GFI1: variants seen among roughly 807,000 people sequenced by gnomAD.
GFI1 encodes zinc finger protein Gfi-1.
Under a neutral mutation model 39.2 loss-of-function variants are expected in GFI1, and 15 were observed. The observed-to-expected ratio is 0.38, with a 90% confidence interval of 0.26 to 0.59. The LOEUF (loss-of-function observed/expected upper bound fraction) is 0.59. Ranked by LOEUF, GFI1 falls within the 20% of genes least tolerant of loss-of-function variation. GFI1 has a pLI of 0.62. For missense variants in GFI1, 475 were observed against 574.0 expected (o/e 0.83, Z 1.76); for synonymous variants, 239 against 254.3 (o/e 0.94, Z 0.57).
chr1:92,479,599 C>A (rs953543490), intron 5 of GFI1, among the ~76,000 whole-genome samples: 2 of 152,194 alleles, frequency 1.3e-5, no homozygotes, highest in Non-Finnish European at 2.9e-5. Context: ...CGCCTGTAAT[C>A]CCAGCACTTT....
rs559393794 is a variant in GFI1, at chr1:92,483,231, C to A, written c.115+142G>T. ...GGCCATGGCACCTAGGAGACAAACCCGGAGGAACCAGGACAGTAGGAAACA... is the reference window on the plus strand; with the variant it reads ...GGCCATGGCACCTAGGAGACAAACCAGGAGGAACCAGGACAGTAGGAAACA... On this transcript the variant is annotated intron_variant, in intron 2 of 6. Transcript: ENST00000294702. The A allele has an allele frequency of 5.7e-4, 418 of 728,300 alleles. 1 individual carries two copies. The African/African-American group carries it at 6.3e-3, about 11-fold the overall frequency. The allele number at this position is 728,300 out of a possible 1,614,324, so 45.1% of individuals were successfully genotyped here.
chr1:92,477,868 C>T (rs1658040067), intron 6 of GFI1, among the ~76,000 whole-genome samples: 1 of 152,202 alleles, frequency 6.6e-6, no homozygotes, highest in Non-Finnish European at 1.5e-5. Context: ...TGTCTACCAA[C>T]CTCATGACTC....
chr1:92,483,458 C>T lies in GFI1; in HGVS notation c.30G>A (p.Lys10=). 6.2e-7 allele frequency: 1 copy of T among 1,612,686 alleles called. No individual in the cohort carries two copies. The highest frequency in any genetic ancestry group is 8.5e-7 in the Non-Finnish European group (1 of 1,178,830). The change falls in exon 2 of 7, where the codon AAG becomes AAA. Residue 10 remains lysine (K), a synonymous_variant. Transcript: ENST00000294702. ...GCGGCTGGTGGTAGCTGTGAGCCTT[C>T]TTGCTTTTGACGAGAAATGAGCGCG... is the stretch of plus-strand genomic sequence containing the variant. MPRSFLVKS[K]KAHSYHQPRS...
At position 92,480,635 on chromosome 1, in the gene GFI1, C is replaced by T. The variant is rs1482315103; in HGVS notation, c.752G>A (p.Gly251Asp). The T allele has an allele frequency of 1.3e-6, 2 of 1,585,050 alleles. No homozygotes were observed. The highest frequency in any genetic ancestry group is 2.3e-5 in the South Asian group (2 of 87,798). ...SELLCTRLLL[G>D]GGSYKCIKCS... ...CTTGATGCACTTGTAGGAGCCGCCG[C>T]CCAGCAGCAGGCGGGTGCACAGCAG... The change falls in exon 4 of 7, where the codon GGC becomes GAC. Residue 251 changes from glycine (G) to aspartate (D), a missense_variant. By Grantham distance (94) the Gly-to-Asp change is moderately conservative. Transcript: ENST00000294702. This position sits in a 1 kb window ranked among gnomAD's most constrained non-coding sequence, Gnocchi z 5.6.
At chr1:92,477,433 C>T (rs1658025667) in intron 6 of GFI1, among the ~76,000 whole-genome samples, 1 of 152,158 alleles carries the variant, frequency 6.6e-6, no homozygotes, top group Non-Finnish European at 1.5e-5. Context: ...TATTTATAAA[C>T]ATCAAGGGTG....
At chr1:92,476,681 C>T (rs761299973) in intron 6 of GFI1, among the ~76,000 whole-genome samples, 1 of 152,128 alleles carries the variant, frequency 6.6e-6, no homozygotes, top group Non-Finnish European at 1.5e-5. Context: ...GATCAGTGAG[C>T]CCGTCTTCTT....
rs1657809966 is a variant in GFI1 at position 92,473,250 on chromosome 1, C to A, written c.*2779G>T. On this transcript the variant is annotated 3_prime_UTR_variant, in exon 7 of 7. Transcript: ENST00000294702. ...TCACTTAGAGCATAAACAGGGATAA[C>A]AAAAATGGACCAAATGTTCTAAACG... is the stretch of plus-strand genomic sequence containing the variant. Among the ~76,000 whole-genome samples the A allele has an allele frequency of 6.7e-6, 1 of 148,246 alleles. No homozygotes were observed. The highest frequency in any genetic ancestry group is 1.5e-5 in the Non-Finnish European group (1 of 67,142).
In GFI1 at chr1:92,485,444, T is replaced by C. The variant is rs901064816; in HGVS notation, c.-100+1282A>G. Among the ~76,000 whole-genome samples, 5 of 152,088 alleles carry C rather than the reference T, an allele frequency of 3.3e-5. No individual in the cohort carries two copies. In the East Asian group the frequency reaches 9.7e-4, roughly 29 times the overall value. ...GTCAGCGCCGGAGCTGGGTCTGGGCTGGCGCCACCAGAGACCAGGCGGACG... is the reference window on the plus strand; with the variant it reads ...GTCAGCGCCGGAGCTGGGTCTGGGCCGGCGCCACCAGAGACCAGGCGGACG... On this transcript the variant is annotated intron_variant, in intron 1 of 6. Coordinates refer to ENST00000294702, the MANE Select transcript of GFI1 (RefSeq NM_005263.5).
chr1:92,477,115 C>T (rs1658014834), intron 6 of GFI1, among the ~76,000 whole-genome samples: 1 of 152,222 alleles, frequency 6.6e-6, no homozygotes, highest in Non-Finnish European at 1.5e-5. Flanking sequence ...GAGGAACCCT[C>T]TGTCCTCCTT....
chr1:92,480,357 C>T lies in GFI1; in HGVS notation c.915G>A (p.Val305=), dbSNP rs976188438. The T allele has an allele frequency of 2.5e-5, 38 of 1,549,562 alleles. No individual in the cohort carries two copies. The highest frequency in any genetic ancestry group is 3.1e-5 in the Non-Finnish European group (36 of 1,146,642). The part of the protein sequence containing the change: ...HAVSLEQHKA[V]HSQERSFDCK... Reference sequence around the variant, plus strand: ...TGCGCCCCGCGCTTACCTGCGAGTGCACGGCTTTGTGCTGCTCCAGGCTCA... The same window carrying T: ...TGCGCCCCGCGCTTACCTGCGAGTGTACGGCTTTGTGCTGCTCCAGGCTCA... The change falls in exon 5 of 7, where the codon GTG becomes GTA. Residue 305 remains valine, a synonymous_variant. Transcript: ENST00000294702. This position sits in a 1 kb window ranked among gnomAD's most constrained non-coding sequence, Gnocchi z 5.6.
chr1:92,486,543 C>T (rs2101590267), intron 1 of GFI1, among the ~76,000 whole-genome samples, 183 bp downstream of exon 1: 1 of 150,130 alleles, frequency 6.7e-6, no homozygotes, highest in East Asian at 2.0e-4. Flanking sequence ...CCCCCGACCC[C>T]GCCGCCTCCT....
At chr1:92,483,322 G>A (rs766331686) in intron 2 of GFI1, 51 bp downstream of exon 2, 15 of 999,120 alleles carry the variant, frequency 1.5e-5, no homozygotes, top group Non-Finnish European at 2.2e-5. Flanking sequence ...GTGCCGAGGT[G>A]CAGTAGGCAT....
At chr1:92,476,417 G>A (rs1657980697) in intron 6 of GFI1, among the ~76,000 whole-genome samples, 1 of 152,314 alleles carries the variant, frequency 6.6e-6, no homozygotes, top group African/African-American at 2.4e-5. Flanking sequence ...AGGTGAAAGG[G>A]AGACTTTCTG....
In GFI1 at chr1:92,486,842, C is replaced by G. The variant is rs914279536; in HGVS notation, c.-216G>C. 22 of 152,120 alleles carry G rather than the reference C, an allele frequency of 1.4e-4. No homozygotes were observed. The highest frequency in any genetic ancestry group is 2.6e-4 in the Admixed American group (4 of 15,272). The allele number at this position is 152,120 out of a possible 1,614,324, so 9.4% of individuals were successfully genotyped here. Reference sequence around the variant, plus strand: ...CGGAGAGGGCCCTGGCGGCGCGTCCCGCGGGCGCCCGGCGGGACCGGTGGG... The same window carrying G: ...CGGAGAGGGCCCTGGCGGCGCGTCCGGCGGGCGCCCGGCGGGACCGGTGGG... On this transcript the variant is annotated 5_prime_UTR_variant, in exon 1 of 7. Transcript: ENST00000294702.
chr1:92,474,529 G>A lies in GFI1; in HGVS notation c.*1500C>T, dbSNP rs1032221587. Among the ~76,000 whole-genome samples the A allele has an allele frequency of 5.9e-5, 9 of 152,288 alleles. No homozygotes were observed. The highest frequency in any genetic ancestry group is 2.2e-4 in the African/African-American group (9 of 41,558). On this transcript the variant is annotated 3_prime_UTR_variant, in exon 7 of 7. Transcript: ENST00000294702. ...CTCTACAAGGTAGTAGCTTAGTTTTGTACACCTCCTAGTTTTTCTCTTATG... is the reference window on the plus strand; with the variant it reads ...CTCTACAAGGTAGTAGCTTAGTTTTATACACCTCCTAGTTTTTCTCTTATG...
At position 92,474,752 on chromosome 1, in the gene GFI1, G is replaced by C. The variant is rs1657879671; in HGVS notation, c.*1277C>G. 6.6e-6 allele frequency: 1 copy of C among 152,580 alleles called. No homozygotes were observed. The highest frequency in any genetic ancestry group is 6.5e-5 in the Admixed American group (1 of 15,280). 9.5% of individuals were successfully genotyped at this position (152,580 alleles called of 1,614,324 possible). ...CCCCAAATTCCCTGCCTAAAGGAAA[G>C]GCAATCTGTAATACTCTTAATACTT... On this transcript the variant is annotated 3_prime_UTR_variant, in exon 7 of 7. Coordinates refer to ENST00000294702, the MANE Select transcript of GFI1 (RefSeq NM_005263.5).
rs760046831 is a variant in GFI1, at chr1:92,482,836, G to A, written c.298+28C>T. 4 of 1,596,672 alleles carry A rather than the reference G, an allele frequency of 2.5e-6. No individual in the cohort carries two copies. In the East Asian group the frequency reaches 6.7e-5, roughly 27 times the overall value. On this transcript the variant is annotated intron_variant, in intron 3 of 6. Coordinates refer to ENST00000294702, the MANE Select transcript of GFI1 (RefSeq NM_005263.5). This position sits in a 1 kb window ranked among gnomAD's most constrained non-coding sequence, Gnocchi z 4.4. ...GCACTGCCGGGTCCCTGCAGCTCCC[G>A]CCCAAGAGGTTCCCAGTGGGTTCCT...
chr1:92,478,879 CTTT>C, intron 5 of GFI1, 126 bp from the exon 6 acceptor site: 5 of 1,305,404 alleles, frequency 3.8e-6, no homozygotes, highest in Non-Finnish European at 5.3e-6. Flanking sequence ...CTTTTTCTTT[CTTT>C]TTTTGAGACA....
At position 92,482,396 on chromosome 1, in the gene GFI1, C is replaced by A. The variant is rs1658300457; in HGVS notation, c.298+468G>T. Among the ~76,000 whole-genome samples, 1 of 137,308 alleles carries A rather than the reference C, an allele frequency of 7.3e-6. No homozygotes were observed. The highest frequency in any genetic ancestry group is 1.5e-5 in the Non-Finnish European group (1 of 64,962). The allele number at this position is 137,308 out of a possible 152,430, so 90.1% of individuals were successfully genotyped here. On this transcript the variant is annotated intron_variant, in intron 3 of 6. Coordinates refer to ENST00000294702, the MANE Select transcript of GFI1 (RefSeq NM_005263.5). This position sits in a 1 kb window ranked among gnomAD's most constrained non-coding sequence, Gnocchi z 4.4. ...GGCCCCCAATCTGCGCCTGTGAAGA[C>A]CAAGCCGCGGGCTGAGATTTTCGTC...
Sources: allele counts gnomAD v4.1 joint callset (sites outside exome capture counted in the v4.1 genomes callset), GRCh38; gene constraint gnomAD v4.1.1; non-coding constraint Gnocchi (gnomAD v3.1); transcripts MANE v1.5; gene names NCBI Gene and HGNC (gene_info 2026-07-23, HGNC 2026-07-21).